Variants in MRRF observed in about 807,000 individuals in gnomAD.
The protein encoded by MRRF is mitochondrial ribosome recycling factor.
MRRF carries 18 observed loss-of-function variants against 25.1 expected under a neutral mutation model. That is an observed-to-expected ratio of 0.72 (90% CI 0.50 to 1.06). The LOEUF is 1.06. Among genes scored for constraint, MRRF ranks in the 50% least tolerant of loss-of-function variants. MRRF has a pLI of 0.00. For synonymous variants in MRRF, 113 were observed against 112.1 expected (o/e 1.01, Z -0.05); for missense variants, 323 against 319.3 (o/e 1.01, Z -0.09).
At chr9:122,275,480 C>G (rs1243795928) in intron 2 of MRRF, among the ~76,000 whole-genome samples, 1 of 151,954 alleles carries the variant, frequency 6.6e-6, no homozygotes. Context: ...AAAAAAAATA[C>G]AAAAATTAGC....
chr9:122,319,874 A>ATTTT (rs975991164), intron 6 of MRRF, among the ~76,000 whole-genome samples: 17 of 129,970 alleles, frequency 1.3e-4, no homozygotes, highest in Admixed American at 2.3e-4. Context: ...ATTTTCATTA[A>ATTTT]TTTTTTTTTT....
rs974377759 is a variant in MRRF at position 122,286,143 on chromosome 9, C to T, written c.459+856C>T. On this transcript the variant is annotated intron_variant, in intron 4 of 6. Coordinates refer to ENST00000344641, the MANE Select transcript of MRRF (RefSeq NM_138777.5). ...CAAGTTGCTTCACTCTCTGGGCCTC[C>T]ATTTCCTCATCTGCTAATATAAGGT... is the stretch of plus-strand genomic sequence containing the variant. 4.8e-5 allele frequency: 61 copies of T among 1,271,448 alleles called. No homozygotes were observed. The African/African-American group carries it at 8.7e-4, about 18-fold the overall frequency. The allele number at this position is 1,271,448 out of a possible 1,614,324, so 78.8% of individuals were successfully genotyped here.
At chr9:122,278,986 C>A (rs748120114) in intron 2 of MRRF, among the ~76,000 whole-genome samples, 1 of 152,158 alleles carries the variant, frequency 6.6e-6, no homozygotes, top group Non-Finnish European at 1.5e-5. Flanking sequence ...GATTCTCCTG[C>A]CCCAGCCTCC....
intron 2 of MRRF, among the ~76,000 whole-genome samples, chr9:122,277,333 A>G (rs1484534685): frequency 6.6e-6 from 1 of 152,200 alleles, no homozygotes; most frequent in East Asian, 1.9e-4. Context: ...TAATGTAGCT[A>G]CACCAGCCTT....
chr9:122,299,359 C>T (rs1313908690), intron 5 of MRRF, among the ~76,000 whole-genome samples: 1 of 151,836 alleles, frequency 6.6e-6, no homozygotes, highest in Non-Finnish European at 1.5e-5. Flanking sequence ...AAGTGATCCA[C>T]CCATTTCAGC....
chr9:122,311,564 G>C lies in MRRF; in HGVS notation c.552-1663G>C, dbSNP rs145951445. Among the ~76,000 whole-genome samples the C allele has an allele frequency of 2.0e-3, 305 of 152,078 alleles. 1 individual carries two copies. Among genetic ancestry groups the C allele is most frequent in the African/African-American group, 6.7e-3 (279 of 41,492 alleles). Reference sequence around the variant, plus strand: ...GCCAAATTACCTATATTATGATTTTGTTTTCTTTCTGTAGCCTTTAATTCT... The same window carrying C: ...GCCAAATTACCTATATTATGATTTTCTTTTCTTTCTGTAGCCTTTAATTCT... On this transcript the variant is annotated intron_variant, in intron 5 of 6. Transcript: ENST00000344641.
chr9:122,299,376 A>C (rs999509812), intron 5 of MRRF, among the ~76,000 whole-genome samples: 1 of 151,736 alleles, frequency 6.6e-6, no homozygotes, highest in Non-Finnish European at 1.5e-5. Flanking sequence ...CAGCCTCCCA[A>C]AGTGCTGGGA....
chr9:122,328,633 C>T lies in MRRF; in HGVS notation c.*6016C>T, dbSNP rs1042599758. ...GCTCCTTTTAACAGACACTTAAATTCATTTACATTTATTTATAATAGTGAT... is the reference window on the plus strand; with the variant it reads ...GCTCCTTTTAACAGACACTTAAATTTATTTACATTTATTTATAATAGTGAT... On this transcript the variant is annotated 3_prime_UTR_variant, in exon 7 of 7. Coordinates refer to ENST00000344641, the MANE Select transcript of MRRF (RefSeq NM_138777.5). 6 of 152,114 alleles carry T rather than the reference C, an allele frequency of 3.9e-5. No homozygotes were observed. Among genetic ancestry groups the T allele is most frequent in the Non-Finnish European group, 8.8e-5 (6 of 68,026 alleles). 9.4% of individuals were successfully genotyped at this position (152,114 alleles called of 1,614,324 possible). A position where few individuals can be genotyped will look rare whatever the true frequency, so the allele number is the denominator to read the frequency against.
chr9:122,326,989 A>G lies in MRRF; in HGVS notation c.*4372A>G, dbSNP rs1051496214. 1 of 152,240 alleles carries G rather than the reference A, an allele frequency of 6.6e-6. No individual in the cohort carries two copies. Among genetic ancestry groups the G allele is most frequent in the Non-Finnish European group, 1.5e-5 (1 of 68,038 alleles). 9.4% of individuals were successfully genotyped at this position (152,240 alleles called of 1,614,324 possible). On this transcript the variant is annotated 3_prime_UTR_variant, in exon 7 of 7. Coordinates refer to ENST00000344641, the MANE Select transcript of MRRF (RefSeq NM_138777.5). Reference sequence around the variant, plus strand: ...TTTGGTTCCCAAGTCTTCGCTGAACACTTACTCAAAAGGGACCTCGCGCTG... The same window carrying G: ...TTTGGTTCCCAAGTCTTCGCTGAACGCTTACTCAAAAGGGACCTCGCGCTG...
intron 6 of MRRF, among the ~76,000 whole-genome samples, chr9:122,322,255 C>T (rs1048554011): frequency 1.5e-4 from 23 of 151,550 alleles, no homozygotes; most frequent in Non-Finnish European, 2.6e-4. Flanking sequence ...CCCAGCTACT[C>T]GGGAGGCTGA....
chr9:122,295,386 TC>T (rs1357304281), intron 5 of MRRF, among the ~76,000 whole-genome samples: 1 of 151,780 alleles, frequency 6.6e-6, no homozygotes, highest in Non-Finnish European at 1.5e-5. Context: ...ACACATCATA[TC>T]TTAAGTTGGG....
intron 5 of MRRF, among the ~76,000 whole-genome samples, chr9:122,299,218 C>G (rs1834282011): frequency 1.3e-5 from 2 of 151,594 alleles, no homozygotes; most frequent in Admixed American, 1.3e-4. Context: ...TGGTGAAACC[C>G]TGTCTCCACT....
intron 6 of MRRF, among the ~76,000 whole-genome samples, chr9:122,314,167 T>C (rs552605241): frequency 2.0e-5 from 3 of 152,346 alleles, no homozygotes; most frequent in South Asian, 4.1e-4. Context: ...CAAAGCATTA[T>C]TTCTTGTTCT....
At chr9:122,301,705 A>T (rs1834472313) in intron 5 of MRRF, among the ~76,000 whole-genome samples, 1 of 151,726 alleles carries the variant, frequency 6.6e-6, no homozygotes, top group Admixed American at 6.6e-5. Context: ...ATTGTTACTG[A>T]GTATTCTATG....
chr9:122,288,825 A>C (rs1256405954), intron 4 of MRRF, among the ~76,000 whole-genome samples: 1 of 152,208 alleles, frequency 6.6e-6, no homozygotes, highest in Non-Finnish European at 1.5e-5. Context: ...TAACAAAGGC[A>C]GACACTACTA....
At chr9:122,272,387 C>A (rs1030465182) in intron 2 of MRRF, among the ~76,000 whole-genome samples, 1 of 152,092 alleles carries the variant, frequency 6.6e-6, no homozygotes, top group African/African-American at 2.4e-5. Context: ...TTGGTTTAGC[C>A]GAGTGCTGTG....
intron 3 of MRRF, 121 bp downstream of exon 3, chr9:122,280,719 C>G (rs1833053660): frequency 3.5e-6 from 3 of 863,104 alleles, no homozygotes; most frequent in Non-Finnish European, 5.6e-6. Context: ...AGTTACTTTG[C>G]TTTTCTGGTC....
intron 5 of MRRF, among the ~76,000 whole-genome samples, 177 bp from the exon 6 acceptor site, chr9:122,313,050 G>A (rs756055298): frequency 6.6e-6 from 1 of 152,178 alleles, no homozygotes; most frequent in Non-Finnish European, 1.5e-5. Flanking sequence ...GTTTGCCCAT[G>A]TTTGGGCAAC....
At chr9:122,265,897 CAGATACTACAAGTACCTTTCTTT>C (rs1355653205) in intron 1 of MRRF, 1 of 497,752 alleles carries the variant, frequency 2.0e-6, no homozygotes, top group Non-Finnish European at 3.7e-6. Context: ...TGTGTATAGT[CAGATACTACAAGTACCTTTCTTT>C]ACCTGGTACT....
Sources: allele counts gnomAD v4.1 joint callset (sites outside exome capture counted in the v4.1 genomes callset), GRCh38; gene constraint gnomAD v4.1.1; transcripts MANE v1.5; gene names NCBI Gene and HGNC (gene_info 2026-07-23, HGNC 2026-07-21).